PPTC7: variants seen among roughly 807,000 people sequenced by gnomAD.
The protein encoded by PPTC7 is protein phosphatase PTC7 homolog.
PPTC7 carries 6 observed loss-of-function variants against 30.8 expected under a neutral mutation model. The observed-to-expected ratio is 0.19, with a 90% confidence interval of 0.11 to 0.38. The LOEUF is 0.38. Ranked by LOEUF, PPTC7 falls within the 10% of genes least tolerant of loss-of-function variation. PPTC7 has a pLI of 1.00. For missense variants in PPTC7, 218 were observed against 404.8 expected (o/e 0.54, Z 3.96); for synonymous variants, 163 against 168.1 (o/e 0.97, Z 0.23).
intron 1 of PPTC7, among the ~76,000 whole-genome samples, chr12:110,580,380 C>T (rs1195424590): frequency 1.3e-5 from 2 of 152,174 alleles, no homozygotes; most frequent in African/African-American, 4.8e-5. Flanking sequence ...GCTCTGTTAC[C>T]CAGGCTGGAG....
intron 1 of PPTC7, among the ~76,000 whole-genome samples, chr12:110,580,583 G>A (rs1257445494): frequency 3.3e-5 from 5 of 151,892 alleles, no homozygotes; most frequent in Admixed American, 6.6e-5. Context: ...CAGGTGATCC[G>A]CCCACCTCCG....
Position 110,538,205 on chromosome 12 carries a change from A to G in PPTC7, c.795T>C (p.Tyr265=). The G allele has an allele frequency of 6.2e-7, 1 of 1,614,214 alleles. No homozygotes were observed. Among genetic ancestry groups the G allele is most frequent in the Non-Finnish European group, 8.5e-7 (1 of 1,180,002 alleles). The change falls in exon 5 of 6, where the codon TAT becomes TAC. Residue 265 remains tyrosine, a synonymous_variant. Coordinates refer to ENST00000354300, the MANE Select transcript of PPTC7 (RefSeq NM_139283.2). ...SIAEQAHELA[Y]DPNYMSPFAQ... ...CAAAAGGTGACATATAATTTGGGTC[A>G]TAGGCCAGCTCATGAGCTTGCTCAG... is the stretch of plus-strand genomic sequence containing the variant.
At chr12:110,549,503 G>A (rs1230064867) in intron 2 of PPTC7, among the ~76,000 whole-genome samples, 1 of 152,054 alleles carries the variant, frequency 6.6e-6, no homozygotes, top group East Asian at 1.9e-4. Context: ...ATTACAAACA[G>A]CCTAGAGATG....
intron 1 of PPTC7, among the ~76,000 whole-genome samples, chr12:110,577,103 G>A (rs2064595689): frequency 6.9e-6 from 1 of 145,712 alleles, no homozygotes; most frequent in East Asian, 2.1e-4. Flanking sequence ...GGAGGCAGAG[G>A]TTGCAGTGAG....
At chr12:110,562,286 C>CAAAAAAAAAAAAAAAAAAAAAAAAAA (rs11319526) in intron 1 of PPTC7, among the ~76,000 whole-genome samples, 1 of 34,724 alleles carries the variant, frequency 2.9e-5, no homozygotes, top group Non-Finnish European at 4.7e-5. Context: ...GACTCCATCT[C>CAAAAAAAAAAAAAAAAAAAAAAAAAA]AAAAAAAAAA....
In PPTC7 at chr12:110,534,822, A is replaced by G. The variant is rs2064207046; in HGVS notation, c.*2215T>C. The stretch of plus-strand genomic sequence containing the variant: ...AAATAAGTTGTATAAAACACCACCA[A>G]TCTAGCTTTACAAAGATTGTGTTTG... On this transcript the variant is annotated 3_prime_UTR_variant, in exon 6 of 6. Transcript: ENST00000354300. 1 of 152,580 alleles carries G rather than the reference A, an allele frequency of 6.6e-6. No individual in the cohort carries two copies. The highest frequency in any genetic ancestry group is 2.1e-4 in the South Asian group (1 of 4,830). The allele number at this position is 152,580 out of a possible 1,614,324, so 9.5% of individuals were successfully genotyped here.
chr12:110,543,118 C>T (rs1309812743), intron 3 of PPTC7, among the ~76,000 whole-genome samples: 1 of 152,136 alleles, frequency 6.6e-6, no homozygotes, highest in Non-Finnish European at 1.5e-5. Context: ...ACGGAAAAAC[C>T]CCAACACTTG....
chr12:110,563,621 A>G, intron 1 of PPTC7, among the ~76,000 whole-genome samples: 1 of 152,232 alleles, frequency 6.6e-6, no homozygotes, highest in Non-Finnish European at 1.5e-5. Flanking sequence ...GTCTCAAAAA[A>G]AAAAAAAAGT....
intron 1 of PPTC7, among the ~76,000 whole-genome samples, chr12:110,562,141 C>T (rs1593157864): frequency 6.6e-6 from 1 of 151,744 alleles, no homozygotes; most frequent in East Asian, 1.9e-4. Context: ...AAAAATTAGC[C>T]ATGCCTGGTG....
Position 110,534,155 on chromosome 12 carries a change from G to A in PPTC7, c.*2882C>T, listed in dbSNP as rs1293548777. ...TTTTTTTTGTGCGCAGGCAGCTTAAGTTCATAGGAAGAAATAAGGTTCTGA... is the reference window on the plus strand; with the variant it reads ...TTTTTTTTGTGCGCAGGCAGCTTAAATTCATAGGAAGAAATAAGGTTCTGA... On this transcript the variant is annotated 3_prime_UTR_variant, in exon 6 of 6. Transcript: ENST00000354300. The A allele has an allele frequency of 1.3e-5, 2 of 151,004 alleles. No homozygotes were observed. The highest frequency in any genetic ancestry group is 4.9e-5 in the African/African-American group (2 of 40,956). The allele number at this position is 151,004 out of a possible 1,614,324, so 9.4% of individuals were successfully genotyped here. A position where few individuals can be genotyped will look rare whatever the true frequency, so the allele number is the denominator to read the frequency against.
intron 2 of PPTC7, among the ~76,000 whole-genome samples, chr12:110,548,724 G>A (rs114116440): frequency 0.011 from 1,626 of 152,264 alleles, 36 homozygotes; most frequent in Middle Eastern, 0.041. Context: ...GACGAAGCCA[G>A]GCTATCCTTT....
At chr12:110,564,249 G>A (rs1040048301) in intron 1 of PPTC7, among the ~76,000 whole-genome samples, 1 of 152,220 alleles carries the variant, frequency 6.6e-6, no homozygotes, top group South Asian at 2.1e-4. Flanking sequence ...CTTATTGTAA[G>A]TTATGAATAG....
Position 110,537,013 on chromosome 12 carries a change from G to C in PPTC7, c.*24C>G, listed in dbSNP as rs1282517108. 1 of 1,594,082 alleles carries C rather than the reference G, an allele frequency of 6.3e-7. No homozygotes were observed. Among genetic ancestry groups the C allele is most frequent in the Non-Finnish European group, 8.6e-7 (1 of 1,164,842 alleles). Reference sequence around the variant, plus strand: ...CAGGGGAAATTTGGGATGATGAAAGGAAAGGCAGGACTTGACACCTCAGCT... The same window carrying C: ...CAGGGGAAATTTGGGATGATGAAAGCAAAGGCAGGACTTGACACCTCAGCT... On this transcript the variant is annotated 3_prime_UTR_variant, in exon 6 of 6. Transcript: ENST00000354300.
chr12:110,545,001 C>CTGGA (rs765643484), intron 3 of PPTC7, among the ~76,000 whole-genome samples: 15 of 152,194 alleles, frequency 9.9e-5, no homozygotes, highest in Non-Finnish European at 2.1e-4. Flanking sequence ...GTCACCCAGG[C>CTGGA]TGGACTCCAG....
intron 4 of PPTC7, among the ~76,000 whole-genome samples, chr12:110,539,379 T>A (rs1172548116): frequency 1.3e-5 from 2 of 152,318 alleles, no homozygotes; most frequent in South Asian, 2.1e-4. Context: ...TAGTTTCACC[T>A]CCTTCCTCTA....
At chr12:110,541,388 CAAAGAA>C (rs1194405798) in intron 3 of PPTC7, among the ~76,000 whole-genome samples, 4 of 150,002 alleles carry the variant, frequency 2.7e-5, no homozygotes, top group Non-Finnish European at 5.9e-5. Flanking sequence ...GACTCCATCT[CAAAGAA>C]AAAGAAAAAG....
chr12:110,573,341 T>C (rs1359375336), intron 1 of PPTC7, among the ~76,000 whole-genome samples: 3 of 152,294 alleles, frequency 2.0e-5, no homozygotes, highest in African/African-American at 4.8e-5. Flanking sequence ...TAACTACAAA[T>C]AGAGGACTGG....
chr12:110,548,229 GA>G (rs1371877607), intron 2 of PPTC7, among the ~76,000 whole-genome samples: 2 of 151,804 alleles, frequency 1.3e-5, no homozygotes, highest in African/African-American at 2.4e-5. Context: ...CATACACACA[GA>G]AAAAAAATCT....
In PPTC7 at chr12:110,582,125, C is replaced by T. The variant is rs187001836; in HGVS notation, c.223+684G>A. Among the ~76,000 whole-genome samples, 504 of 152,264 alleles carry T rather than the reference C, an allele frequency of 3.3e-3. 7 individuals are homozygous for T. Among genetic ancestry groups the T allele is most frequent in the Non-Finnish European group, 4.4e-3 (299 of 68,022 alleles). ...CTGTGACCAATCCTCAGAGCTTTAC[C>T]GGCTGCAATCTACAAGTAGGCTCGA... On this transcript the variant is annotated intron_variant, in intron 1 of 5. Coordinates refer to ENST00000354300, the MANE Select transcript of PPTC7 (RefSeq NM_139283.2).
Sources: gnomAD v4.1 joint callset for allele counts (sites outside exome capture counted in the v4.1 genomes callset) on GRCh38, gnomAD v4.1.1 for gene constraint, MANE v1.5 for transcripts, NCBI Gene and HGNC (gene_info 2026-07-23, HGNC 2026-07-21) for gene names.